The following BANK1 variants were observed in gnomAD, a reference collection of about 807,000 sequenced individuals.
BANK1 encodes B cell scaffold protein with ankyrin repeats 1, also known as B-cell scaffold protein with ankyrin repeats.
Under a neutral mutation model 94.5 loss-of-function variants are expected in BANK1, and 95 were observed. That is an observed-to-expected ratio of 1.00 (90% CI 0.85 to 1.19). The LOEUF (loss-of-function observed/expected upper bound fraction) is 1.19. BANK1 is among the 50% of genes most tolerant of loss of function. The pLI is 0.00. For synonymous variants in BANK1, 334 were observed against 308.4 expected, an observed-to-expected ratio of 1.08 and a Z score of -0.87; for missense variants, 987 against 932.2, an observed-to-expected ratio of 1.06 and a Z score of -0.77.
chr4:102,037,749 C>T (rs1727558754), intron 10 of BANK1, among the ~76,000 whole-genome samples: 1 of 152,142 alleles, frequency 6.6e-6, no homozygotes. Flanking sequence ...AAATGTAATA[C>T]CTACTTCACA....
chr4:101,939,049 G>A (rs562565648), intron 7 of BANK1, among the ~76,000 whole-genome samples: 1 of 151,614 alleles, frequency 6.6e-6, no homozygotes. Flanking sequence ...TTAATCTATT[G>A]CCAAAATCCC....
intron 10 of BANK1, among the ~76,000 whole-genome samples, chr4:102,032,601 G>A (rs115131996): frequency 0.011 from 1,714 of 152,082 alleles, 24 homozygotes; most frequent in Middle Eastern, 0.054. Flanking sequence ...ATGAAGCACC[G>A]GCCGGGCATG....
chr4:101,807,645 T>C (rs961414099), intron 1 of BANK1, among the ~76,000 whole-genome samples: 2 of 152,194 alleles, frequency 1.3e-5, no homozygotes, highest in South Asian at 4.1e-4. Flanking sequence ...CTATGATAAA[T>C]GCTCTACATG....
chr4:101,909,571 C>T (rs546217681), intron 6 of BANK1, among the ~76,000 whole-genome samples: 6 of 152,086 alleles, frequency 3.9e-5, no homozygotes, highest in African/African-American at 7.2e-5. Context: ...TGCCTTTAAG[C>T]GGTTTTCTCC....
At chr4:101,952,635 A>G (rs553426984) in intron 7 of BANK1, among the ~76,000 whole-genome samples, 43 of 152,292 alleles carry the variant, frequency 2.8e-4, no homozygotes, top group African/African-American at 1.0e-3. Context: ...TTAACCTAAA[A>G]CATTGGCTCA....
chr4:101,986,353 A>G lies in BANK1; in HGVS notation c.1207-35161A>G, dbSNP rs574887347. ...TCCCTAGATACCAAATGGCTCAAGCAAACCAGGTTGCTCACTGTTTCTGTC... is the reference window on the plus strand; with the variant it reads ...TCCCTAGATACCAAATGGCTCAAGCGAACCAGGTTGCTCACTGTTTCTGTC... On this transcript the variant is annotated intron_variant, in intron 7 of 16. Coordinates refer to ENST00000322953, the MANE Select transcript of BANK1 (RefSeq NM_017935.5). 8.9e-4 allele frequency among the ~76,000 whole-genome samples: 135 copies of G among 152,200 alleles called. 1 individual carries two copies. The highest frequency in any genetic ancestry group is 3.1e-3 in the African/African-American group (128 of 41,560).
intron 4 of BANK1, among the ~76,000 whole-genome samples, chr4:101,866,365 AAG>A (rs974344835): frequency 1.3e-5 from 2 of 152,164 alleles, no homozygotes; most frequent in African/African-American, 4.8e-5. Flanking sequence ...CAAAACATCT[AAG>A]AAATGTGGGA....
At chr4:102,019,517 G>A (rs1313428107) in intron 7 of BANK1, among the ~76,000 whole-genome samples, 1 of 152,176 alleles carries the variant, frequency 6.6e-6, no homozygotes, top group Non-Finnish European at 1.5e-5. Flanking sequence ...GAGGCTTAGA[G>A]TTAAGTGTCT....
intron 1 of BANK1, 79 bp from the exon 2 acceptor site, chr4:101,829,729 A>C: frequency 1.1e-6 from 1 of 885,378 alleles, no homozygotes; most frequent in African/African-American, 1.7e-5. Flanking sequence ...CCTAGTGAGC[A>C]TATTAAAATT....
intron 7 of BANK1, among the ~76,000 whole-genome samples, chr4:102,015,104 T>A (rs1200564274): frequency 6.6e-6 from 1 of 152,146 alleles, no homozygotes. Context: ...ATGTGGCTTT[T>A]GTTTGATTTT....
At chr4:101,933,507 G>A (rs566797957) in intron 7 of BANK1, among the ~76,000 whole-genome samples, 2 of 151,488 alleles carry the variant, frequency 1.3e-5, no homozygotes, top group East Asian at 3.9e-4. Flanking sequence ...CCAGGGCAGT[G>A]GTTCTCACTA....
chr4:101,815,392 C>T (rs1266182232), intron 1 of BANK1, among the ~76,000 whole-genome samples: 1 of 152,058 alleles, frequency 6.6e-6, no homozygotes, highest in Non-Finnish European at 1.5e-5. Flanking sequence ...TAATTTATCA[C>T]AAAATAAAAT....
At chr4:101,905,071 C>A (rs1722404082) in intron 6 of BANK1, among the ~76,000 whole-genome samples, 1 of 152,212 alleles carries the variant, frequency 6.6e-6, no homozygotes, top group African/African-American at 2.4e-5. Flanking sequence ...ACAAATGGCA[C>A]AATCAGGAAC....
chr4:102,064,731 C>A (rs762524904), intron 13 of BANK1, among the ~76,000 whole-genome samples: 6 of 152,182 alleles, frequency 3.9e-5, no homozygotes, highest in Non-Finnish European at 8.8e-5. Flanking sequence ...AGGAGGCAGA[C>A]AGTAGGTAGC....
intron 7 of BANK1, among the ~76,000 whole-genome samples, chr4:101,986,493 C>T (rs1490680731): frequency 6.6e-6 from 1 of 151,876 alleles, no homozygotes; most frequent in Non-Finnish European, 1.5e-5. Flanking sequence ...GCTTCAGTTT[C>T]CTTACTTTAA....
At chr4:101,915,231 A>G (rs1197495310) in intron 6 of BANK1, among the ~76,000 whole-genome samples, 1 of 152,130 alleles carries the variant, frequency 6.6e-6, no homozygotes, top group Non-Finnish European at 1.5e-5. Context: ...AATAAGATGC[A>G]TAAGTTCAAG....
chr4:102,035,838 T>TA (rs946092573), intron 10 of BANK1, among the ~76,000 whole-genome samples: 9 of 152,280 alleles, frequency 5.9e-5, no homozygotes, highest in African/African-American at 2.2e-4. Flanking sequence ...CTTTTTTTTT[T>TA]ATCCCTGTAA....
chr4:102,039,524 C>T (rs1727638214), intron 10 of BANK1, among the ~76,000 whole-genome samples: 1 of 151,998 alleles, frequency 6.6e-6, no homozygotes, highest in Admixed American at 6.6e-5. Flanking sequence ...TAGATTTAAA[C>T]AGTATAAATT....
chr4:102,007,663 G>A (rs183520426), intron 7 of BANK1, among the ~76,000 whole-genome samples: 9 of 152,082 alleles, frequency 5.9e-5, no homozygotes, highest in Admixed American at 2.0e-4. Context: ...GATAAAAAAT[G>A]TTTCTCCTCT....
Sources: allele counts gnomAD v4.1 joint callset (sites outside exome capture counted in the v4.1 genomes callset), GRCh38; gene constraint gnomAD v4.1.1; transcripts MANE v1.5; gene names NCBI Gene and HGNC (gene_info 2026-07-23, HGNC 2026-07-21).